The following NPAS3 variants were observed in gnomAD, a reference collection of about 807,000 sequenced individuals.
The protein encoded by NPAS3 is neuronal PAS domain protein 3, also known as neuronal PAS domain-containing protein 3.
Under a neutral mutation model 73.1 loss-of-function variants are expected in NPAS3, and 14 were observed. The ratio of observed to expected loss-of-function variants is 0.19; its 90% confidence interval spans 0.13 to 0.30. The LOEUF (loss-of-function observed/expected upper bound fraction) is 0.30. Ranked by LOEUF, NPAS3 falls within the 10% of genes least tolerant of loss-of-function variation. The pLI is 1.00. For missense variants in NPAS3, 1,096 were observed against 1,250.0 expected, an observed-to-expected ratio of 0.88 and a Z score of 1.86; for synonymous variants, 620 against 541.5, an observed-to-expected ratio of 1.14 and a Z score of -2.01.
At chr14:33,668,634 G>A (rs573939653) in intron 5 of NPAS3, among the ~76,000 whole-genome samples, 2 of 152,226 alleles carry the variant, frequency 1.3e-5, no homozygotes, top group East Asian at 3.9e-4. Context: ...TGGCCAACAC[G>A]ACAAAACCCC....
intron 2 of NPAS3, among the ~76,000 whole-genome samples, chr14:33,095,067 A>G (rs562011704): frequency 1.1e-3 from 167 of 152,356 alleles, no homozygotes; most frequent in African/African-American, 3.8e-3. Context: ...ATACGTTGGG[A>G]CATTGAACAA....
chr14:33,379,445 G>A (rs924997952), intron 4 of NPAS3, among the ~76,000 whole-genome samples: 29 of 152,138 alleles, frequency 1.9e-4, no homozygotes, highest in Admixed American at 1.8e-3. Context: ...GGTAATGTGT[G>A]TAAATATCTG....
chr14:33,666,797 A>C (rs958621247), intron 5 of NPAS3, among the ~76,000 whole-genome samples: 9 of 152,254 alleles, frequency 5.9e-5, no homozygotes, highest in African/African-American at 2.2e-4. Context: ...TAAATGATAG[A>C]TAAATACATG....
At chr14:33,544,796 A>AT (rs2054718414) in intron 4 of NPAS3, among the ~76,000 whole-genome samples, 1 of 72,268 alleles carries the variant, frequency 1.4e-5, no homozygotes, top group African/African-American at 9.4e-5. Context: ...TATTATATAT[A>AT]TATATATATA....
Position 33,170,770 on chromosome 14 carries a change from T to C in NPAS3, c.141-44412T>C, listed in dbSNP as rs143240098. On this transcript the variant is annotated intron_variant, in intron 2 of 11. Coordinates refer to ENST00000356141, the Ensembl canonical transcript of NPAS3. ...AGATTACAGTAGTTCAGTCACATTTTCAGACTCTACTTCTAACTTGAGTTC... is the reference window on the plus strand; with the variant it reads ...AGATTACAGTAGTTCAGTCACATTTCCAGACTCTACTTCTAACTTGAGTTC... Among the ~76,000 whole-genome samples the C allele has an allele frequency of 5.3e-3, 812 of 152,316 alleles. 12 individuals are homozygous for C. The highest frequency in any genetic ancestry group is 0.018 in the African/African-American group (750 of 41,566).
At chr14:32,952,189 G>A (rs894402151) in intron 1 of NPAS3, among the ~76,000 whole-genome samples, 5 of 151,932 alleles carry the variant, frequency 3.3e-5, no homozygotes, top group South Asian at 2.1e-4. Context: ...TGAATATACC[G>A]CTGATAAAAT....
intron 3 of NPAS3, among the ~76,000 whole-genome samples, chr14:33,260,035 A>G (rs954397198): frequency 6.6e-6 from 1 of 152,066 alleles, no homozygotes; most frequent in Non-Finnish European, 1.5e-5. Context: ...CCAAAAGCCT[A>G]TTGCATGCAG....
At chr14:33,270,454 G>T (rs190773494) in intron 3 of NPAS3, among the ~76,000 whole-genome samples, 36 of 152,248 alleles carry the variant, frequency 2.4e-4, no homozygotes, top group Admixed American at 1.4e-3. Flanking sequence ...TATGAATAAG[G>T]CATTTGAGTT....
At chr14:33,435,241 G>A (rs2048939953) in intron 4 of NPAS3, among the ~76,000 whole-genome samples, 1 of 152,144 alleles carries the variant, frequency 6.6e-6, no homozygotes, top group Non-Finnish European at 1.5e-5. Flanking sequence ...ATAGATCAAA[G>A]GGCAAAACCT....
intron 5 of NPAS3, among the ~76,000 whole-genome samples, chr14:33,629,783 G>A (rs1053779811): frequency 1.3e-5 from 2 of 150,800 alleles, no homozygotes; most frequent in East Asian, 1.9e-4. Flanking sequence ...TTTTATTCTA[G>A]CACTAGACCT....
At chr14:33,301,414 A>G (rs2042541483) in intron 3 of NPAS3, among the ~76,000 whole-genome samples, 1 of 149,850 alleles carries the variant, frequency 6.7e-6, no homozygotes, top group Admixed American at 6.7e-5. Context: ...CTCCTGCTCA[A>G]AAGAAGAAAA....
At chr14:33,803,532 T>G (rs2063762366), downstream of NPAS3, 1 of 152,194 alleles carries the variant, frequency 6.6e-6, no homozygotes, top group South Asian at 2.1e-4. Flanking sequence ...TTTTGGAAGC[T>G]CTACTCTAGC....
At chr14:33,420,496 T>C (rs2048324288) in intron 4 of NPAS3, among the ~76,000 whole-genome samples, 1 of 151,862 alleles carries the variant, frequency 6.6e-6, no homozygotes, top group African/African-American at 2.4e-5. Context: ...CCTGTGGTTT[T>C]TCCCTGTGTT....
chr14:33,218,770 T>A (rs1457415645), intron 3 of NPAS3, among the ~76,000 whole-genome samples: 4 of 152,210 alleles, frequency 2.6e-5, no homozygotes, highest in African/African-American at 9.6e-5. Context: ...CACAACTATA[T>A]AGAAATTTAA....
intron 1 of NPAS3, among the ~76,000 whole-genome samples, chr14:33,020,751 C>G (rs2039563868): frequency 6.6e-6 from 1 of 151,384 alleles, no homozygotes; most frequent in Admixed American, 6.6e-5. Flanking sequence ...CACATCAAGT[C>G]CAACGTTTTT....
chr14:33,053,514 G>T, intron 1 of NPAS3, among the ~76,000 whole-genome samples: 1 of 152,162 alleles, frequency 6.6e-6, no homozygotes, highest in East Asian at 1.9e-4. Flanking sequence ...ATAGTTTCAC[G>T]ATTGAAAGGC....
chr14:33,344,631 A>C (rs1168699576), intron 3 of NPAS3, among the ~76,000 whole-genome samples: 1 of 152,224 alleles, frequency 6.6e-6, no homozygotes, highest in African/African-American at 2.4e-5. Context: ...TTTAACTCTT[A>C]TTACTTGTTC....
At chr14:32,941,350 T>TCCTTCCTTCCTC in intron 1 of NPAS3, among the ~76,000 whole-genome samples, 1 of 125,692 alleles carries the variant, frequency 8.0e-6, no homozygotes, top group Non-Finnish European at 1.7e-5. Flanking sequence ...CTTCCTTCCT[T>TCCTTCCTTCCTC]CTTCCCAGTT....
intron 3 of NPAS3, among the ~76,000 whole-genome samples, chr14:33,271,586 A>C (rs546001984): frequency 7.9e-5 from 12 of 152,280 alleles, no homozygotes; most frequent in African/African-American, 2.9e-4. Context: ...TGCTTAAAAA[A>C]GGATAATAAT....
Sources: allele counts gnomAD v4.1 joint callset (sites outside exome capture counted in the v4.1 genomes callset), GRCh38; gene constraint gnomAD v4.1.1; transcripts MANE v1.5; gene names NCBI Gene and HGNC (gene_info 2026-07-23, HGNC 2026-07-21).